Variants in F12 observed in about 807,000 individuals in gnomAD.
F12 encodes the protein Hageman factor.
F12 carries 70 observed loss-of-function variants against 74.8 expected under a neutral mutation model. That is an observed-to-expected ratio of 0.94 (90% CI 0.77 to 1.14). F12 has a LOEUF of 1.14. F12 is among the 50% of genes most tolerant of loss of function. The pLI, the probability that F12 is intolerant of heterozygous loss-of-function variation, is 0.00. For synonymous variants in F12, 373 were observed against 356.4 expected (o/e 1.05, Z -0.52); for missense variants, 811 against 835.7 (o/e 0.97, Z 0.36).
rs953753793 is a variant in F12, at chr5:177,409,365, C to T, written c.57+106G>A. 5 of 1,372,192 alleles carry T rather than the reference C, an allele frequency of 3.6e-6. No homozygotes were observed. The African/African-American group carries it at 7.1e-5, about 20-fold the overall frequency. The allele number at this position is 1,372,192 out of a possible 1,614,324, so 85.0% of individuals were successfully genotyped here. A position where few individuals can be genotyped will look rare whatever the true frequency, so the allele number is the denominator to read the frequency against. On this transcript the variant is annotated intron_variant, in intron 1 of 13. Coordinates refer to ENST00000253496, the MANE Select transcript of F12 (RefSeq NM_000505.4). Reference sequence around the variant, plus strand: ...TGGCCTCACCTTTCCACATAGGCCTCCTAGTCACCTGGACCCACAGGTCAT... The same window carrying T: ...TGGCCTCACCTTTCCACATAGGCCTTCTAGTCACCTGGACCCACAGGTCAT...
intron 3 of F12, 26 bp from the exon 4 acceptor site, chr5:177,405,831 G>C (rs1673612990): frequency 1.2e-6 from 2 of 1,613,442 alleles, no homozygotes; most frequent in Middle Eastern, 1.7e-4. Flanking sequence ...AGGCTTCCCT[G>C]CTCTACCCAG....
In F12 at chr5:177,409,505, C is replaced by T; in HGVS notation, c.23G>A (p.Gly8Glu). 1 of 1,614,128 alleles carries T rather than the reference C, an allele frequency of 6.2e-7. No homozygotes were observed. The highest frequency in any genetic ancestry group is 1.1e-5 in the South Asian group (1 of 91,084). The change falls in exon 1 of 14, where the codon GGG (glycine) becomes GAG (glutamate). Residue 8 changes from glycine to glutamate, a missense_variant. Coordinates refer to ENST00000253496, the MANE Select transcript of F12 (RefSeq NM_000505.4). ...TGACTCCAAGCTCACCAGCAGGAAC[C>T]CCAGGAGCAGCAGAGCCCTCATGGC... MRALLLL[G>E]FLLVSLESTL...
At position 177,402,596 on chromosome 5, in the gene F12, C is replaced by A. The variant is rs17876034; in HGVS notation, c.1634G>T (p.Gly545Val). The change falls in exon 13 of 14, where the codon GGC becomes GTC. Residue 545 changes from glycine to valine, a missense_variant. Coordinates refer to ENST00000253496, the MANE Select transcript of F12 (RefSeq NM_000505.4). ...CTCGAGGAACCCTGCGCAGAGCATG[C>A]CGGGGAGGATGGAGGATCCGTGCAC... ...PDVHGSSILP[G>V]MLCAGFLEGG... 1 of 1,612,894 alleles carries A rather than the reference C, an allele frequency of 6.2e-7. No individual in the cohort carries two copies. Among genetic ancestry groups the A allele is most frequent in the African/African-American group, 1.3e-5 (1 of 74,938 alleles).
chr5:177,406,996 G>A (rs1219083013), intron 2 of F12, among the ~76,000 whole-genome samples: 9 of 152,334 alleles, frequency 5.9e-5, no homozygotes, highest in African/African-American at 2.2e-4. Flanking sequence ...TTTGGAAATG[G>A]CCTCTGAGCC....
Position 177,404,680 on chromosome 5 carries a change from G to T in F12, c.635-16C>A. 2 of 1,606,452 alleles carry T rather than the reference G, an allele frequency of 1.2e-6. No individual in the cohort carries two copies. Among genetic ancestry groups the T allele is most frequent in the African/African-American group, 1.3e-5 (1 of 75,034 alleles). Reference sequence around the variant, plus strand: ...GCCTTGGTGTCTGAGGAGAAAGGGGGCTCCCTGGGCAGCCAAGGCTGGGCT... The same window carrying T: ...GCCTTGGTGTCTGAGGAGAAAGGGGTCTCCCTGGGCAGCCAAGGCTGGGCT... On this transcript the variant is annotated splice_polypyrimidine_tract_variant and intron_variant, in intron 7 of 13. Coordinates refer to ENST00000253496, the MANE Select transcript of F12 (RefSeq NM_000505.4).
In F12 at chr5:177,407,284, G is replaced by A. The variant is rs141359287; in HGVS notation, c.116-1223C>T. On this transcript the variant is annotated intron_variant, in intron 2 of 13. Coordinates refer to ENST00000253496, the MANE Select transcript of F12 (RefSeq NM_000505.4). ...TGTGATTTTATAGAACATAACCATCGCGAATAATGAGAATTGCCTGTGTCT... is the reference window on the plus strand; with the variant it reads ...TGTGATTTTATAGAACATAACCATCACGAATAATGAGAATTGCCTGTGTCT... Among the ~76,000 whole-genome samples the A allele has an allele frequency of 1.7e-3, 263 of 152,270 alleles. 1 individual carries two copies. The highest frequency in any genetic ancestry group is 6.1e-3 in the African/African-American group (253 of 41,556).
Position 177,404,249 on chromosome 5 carries a change from G to C in F12, c.965C>G (p.Pro322Arg). 6.3e-7 allele frequency: 1 copy of C among 1,596,948 alleles called. No individual in the cohort carries two copies. Among genetic ancestry groups the C allele is most frequent in the Non-Finnish European group, 8.5e-7 (1 of 1,170,538 alleles). ...CCGGGTCGTGGGCTGAGGCTTCGGCGGTGCCGGCTGCGCGGGCATGAGTGG... is the reference window on the plus strand; with the variant it reads ...CCGGGTCGTGGGCTGAGGCTTCGGCCGTGCCGGCTGCGCGGGCATGAGTGG... ...HVPLMPAQPA[P>R]PKPQPTTRTP... Residue 322 changes from proline to arginine, a missense_variant, in exon 9 of 14, where the codon CCG (proline) becomes CGG (arginine). Pro to Arg is a moderately radical substitution (Grantham distance 103). Transcript: ENST00000253496.
rs1293772683 is a variant in F12, at chr5:177,404,014, C to T, written c.1095G>A (p.Lys365=). ...CGACGCGGGTCATCGAAGACAGACT[C>T]TTGCGGAGCCGCTGCCCGCAGCTCA... ...GPLSCGQRLR[K]SLSSMTRVVG... is the part of the protein sequence containing the mutation. Residue 365 remains lysine (K), a synonymous_variant, in exon 10 of 14, where the codon AAG becomes AAA. Coordinates refer to ENST00000253496, the MANE Select transcript of F12 (RefSeq NM_000505.4). 6.2e-7 allele frequency: 1 copy of T among 1,602,032 alleles called. No individual in the cohort carries two copies. Among genetic ancestry groups the T allele is most frequent in the Non-Finnish European group, 8.5e-7 (1 of 1,179,668 alleles).
intron 2 of F12, among the ~76,000 whole-genome samples, chr5:177,408,188 T>C (rs1763333302): frequency 6.6e-6 from 1 of 152,122 alleles, no homozygotes; most frequent in African/African-American, 2.4e-5. Flanking sequence ...CCCGAGTAGC[T>C]GGGACTACTG....
chr5:177,403,935 A>G lies in F12; in HGVS notation c.1174T>C (p.Trp392Arg). Residue 392 changes from tryptophan (W) to arginine (R), a missense_variant, in exon 10 of 14, where the codon TGG becomes CGG. Transcript: ENST00000253496. ...CTGCCGGCGCAGAAACTGTGGCCCCAGTACAGCGCGGCGATGTAGGGGTGC... is the reference window on the plus strand; with the variant it reads ...CTGCCGGCGCAGAAACTGTGGCCCCGGTACAGCGCGGCGATGTAGGGGTGC... The part of the protein sequence containing the change: ...GAHPYIAALY[W>R]GHSFCAGSLI... The G allele has an allele frequency of 1.3e-6, 2 of 1,599,728 alleles. No homozygotes were observed. Among genetic ancestry groups the G allele is most frequent in the Non-Finnish European group, 1.7e-6 (2 of 1,177,502 alleles).
chr5:177,404,298 G>A lies in F12; in HGVS notation c.916C>T (p.Pro306Ser). Residue 306 changes from proline to serine, a missense_variant, in exon 9 of 14, where the codon CCG (proline) becomes TCG (serine). Pro to Ser is a moderately conservative substitution (Grantham distance 74). Transcript: ENST00000253496. ...GGGACATGAAGCCTAGGGGACACCG[G>A]GGTCGGAGGCGCCGCCTGGGTTGGG... ...QTPTQAAPPT[P>S]VSPRLHVPLM... is the part of the protein sequence containing the mutation. 1 of 1,601,406 alleles carries A rather than the reference G, an allele frequency of 6.2e-7. No homozygotes were observed. Among genetic ancestry groups the A allele is most frequent in the African/African-American group, 1.3e-5 (1 of 74,662 alleles).
chr5:177,407,694 A>T (rs1763322964), intron 2 of F12, among the ~76,000 whole-genome samples: 1 of 151,990 alleles, frequency 6.6e-6, no homozygotes, highest in Non-Finnish European at 1.5e-5. Context: ...GCTGAGGCAG[A>T]GAATCGCTTG....
At position 177,405,248 on chromosome 5, in the gene F12, C is replaced by T. The variant is rs1763262897; in HGVS notation, c.398-63G>A. 15 of 1,613,320 alleles carry T rather than the reference C, an allele frequency of 9.3e-6. No homozygotes were observed. In the South Asian group the frequency reaches 1.5e-4, roughly 17 times the overall value. On this transcript the variant is annotated intron_variant, in intron 5 of 13. Transcript: ENST00000253496. The stretch of plus-strand genomic sequence containing the variant: ...AGGACCATGCCAAGTCTCCGAGTAT[C>T]CAGCAACCTATTCTGTAGGCCCAGG...
rs374704171 is a variant in F12, at chr5:177,404,791, G to A, written c.634+19C>T. 9.4e-6 allele frequency: 15 copies of A among 1,593,766 alleles called. No individual in the cohort carries two copies. The African/African-American group carries it at 1.9e-4, about 20-fold the overall frequency. ...CCACCTGGGGGCTGGCCTTCTGCTT[G>A]CCCCAGACCCTCACTCACCCACGTC... On this transcript the variant is annotated intron_variant, in intron 7 of 13. Coordinates refer to ENST00000253496, the MANE Select transcript of F12 (RefSeq NM_000505.4).
In F12 at chr5:177,404,921, G is replaced by T; in HGVS notation, c.530-7C>A. The T allele has an allele frequency of 6.3e-7, 1 of 1,597,810 alleles. No homozygotes were observed. The highest frequency in any genetic ancestry group is 8.5e-7 in the Non-Finnish European group (1 of 1,175,396). On this transcript the variant is annotated splice_polypyrimidine_tract_variant and splice_region_variant and intron_variant, in intron 6 of 13. Transcript: ENST00000253496. ...CACGGGTTGGTGCGGCAGGCTTGGG[G>T]AGGGAACGCAGTGAGCCACCCCTGG...
Position 177,404,514 on chromosome 5 carries a change from C to T in F12, c.785G>A (p.Gly262Asp), listed in dbSNP as rs1168347225. 1 of 1,593,004 alleles carries T rather than the reference C, an allele frequency of 6.3e-7. No individual in the cohort carries two copies. Among genetic ancestry groups the T allele is most frequent in the Non-Finnish European group, 8.5e-7 (1 of 1,170,274 alleles). Residue 262 changes from glycine to aspartate, a missense_variant, in exon 8 of 14, where the codon GGC becomes GAC. By Grantham distance (94) the Gly-to-Asp change is moderately conservative. Coordinates refer to ENST00000253496, the MANE Select transcript of F12 (RefSeq NM_000505.4). ...AEQARNWGLG[G>D]HAFCRNPDND... is the part of the protein sequence containing the mutation. ...CGCGGCGCACCGGCAGAAGGCGTGG[C>T]CGCCCAGTCCCCAGTTCCGCGCTTG...
In F12 at chr5:177,404,023, C is replaced by A. The variant is rs981500651; in HGVS notation, c.1086G>T (p.Arg362=). The change falls in exon 10 of 14, where the codon CGG becomes CGT. Residue 362 remains arginine (R), a synonymous_variant. Transcript: ENST00000253496. ...TCATCGAAGACAGACTCTTGCGGAG[C>A]CGCTGCCCGCAGCTCAGTGGGCCGT... The part of the protein sequence containing the change: ...TRNGPLSCGQ[R]LRKSLSSMTR... 1 of 1,602,078 alleles carries A rather than the reference C, an allele frequency of 6.2e-7. No homozygotes were observed. The highest frequency in any genetic ancestry group is 8.5e-7 in the Non-Finnish European group (1 of 1,179,652).
chr5:177,402,327 A>T lies in F12; in HGVS notation c.1813T>A (p.Tyr605Asn). 3 of 1,613,878 alleles carry T rather than the reference A, an allele frequency of 1.9e-6. No homozygotes were observed. The highest frequency in any genetic ancestry group is 1.7e-6 in the Non-Finnish European group (2 of 1,180,018). The stretch of plus-strand genomic sequence containing the variant: ...GTGTGCTCCCGGATCCAGGCCAGGT[A>T]GTAGGCCACATCGGTGTAGACGCCT... ...KPGVYTDVAY[Y>N]LAWIREHTVS Residue 605 changes from tyrosine (Y) to asparagine (N), a missense_variant, in exon 14 of 14, where the codon TAC becomes AAC. Physicochemically the swap from Tyr to Asn is moderately radical, Grantham distance 143 (BLOSUM62 -2). Coordinates refer to ENST00000253496, the MANE Select transcript of F12 (RefSeq NM_000505.4).
Position 177,405,360 on chromosome 5 carries a change from G to C in F12, c.360C>G (p.Leu120=). 6.2e-7 allele frequency: 1 copy of C among 1,614,196 alleles called. No individual in the cohort carries two copies. Among genetic ancestry groups the C allele is most frequent in the Non-Finnish European group, 8.5e-7 (1 of 1,180,018 alleles). Residue 120 remains leucine, a synonymous_variant, in exon 5 of 14, where the codon CTC becomes CTG. Transcript: ENST00000253496. The part of the protein sequence containing the change: ...CVNMPSGPHC[L]CPQHLTGNHC... The stretch of plus-strand genomic sequence containing the variant: ...GGTTTCCAGTGAGGTGTTGTGGACA[G>C]AGACAGTGGGGGCCGCTTGGCATGT...
Sources: gnomAD v4.1 joint callset for allele counts (sites outside exome capture counted in the v4.1 genomes callset) on GRCh38, gnomAD v4.1.1 for gene constraint, MANE v1.5 for transcripts, NCBI Gene and HGNC (gene_info 2026-07-23, HGNC 2026-07-21) for gene names.